Variants in DLAT observed in about 807,000 individuals in gnomAD.
DLAT encodes dihydrolipoamide S-acetyltransferase, also known as dihydrolipoyllysine-residue acetyltransferase component of pyruvate dehydrogenase complex, mitochondrial.
Under a neutral mutation model 68.0 loss-of-function variants are expected in DLAT, and 43 were observed. The observed-to-expected ratio is 0.63, with a 90% CI of 0.50 to 0.81. The LOEUF is 0.81. Ranked by LOEUF, DLAT falls within the 40% of genes least tolerant of loss-of-function variation. The pLI is 0.00. For synonymous variants in DLAT, 265 were observed against 288.6 expected (o/e 0.92, Z 0.83); for missense variants, 745 against 815.4 (o/e 0.91, Z 1.05).
intron 11 of DLAT, among the ~76,000 whole-genome samples, chr11:112,057,632 C>A (rs1864179409): frequency 1.3e-5 from 2 of 152,184 alleles, no homozygotes; most frequent in Non-Finnish European, 2.9e-5. Context: ...CTCTTCAATT[C>A]TTTGAAGGCT....
rs370635606 is a variant in DLAT, at chr11:112,051,836, C to T, written c.1514+487C>T. 6.5e-4 allele frequency among the ~76,000 whole-genome samples: 99 copies of T among 152,272 alleles called. 2 individuals are homozygous for T. Among genetic ancestry groups the T allele is most frequent in the African/African-American group, 2.4e-3 (98 of 41,548 alleles). The stretch of plus-strand genomic sequence containing the variant: ...ATGACTGTCACAAAGCAGGGTTAAA[C>T]AGATGATTTTCATTCTCCTGAACTT... On this transcript the variant is annotated intron_variant, in intron 11 of 13. Coordinates refer to ENST00000280346, the MANE Select transcript of DLAT (RefSeq NM_001931.5). The surrounding 1 kb of genome is among the most constrained non-coding windows in gnomAD (Gnocchi z 4.3).
At chr11:112,060,781 A>T (rs1482779287) in intron 12 of DLAT, among the ~76,000 whole-genome samples, 1 of 152,158 alleles carries the variant, frequency 6.6e-6, no homozygotes, top group Non-Finnish European at 1.5e-5. Context: ...CGTAACTCTT[A>T]TTGACACACC....
At chr11:112,050,929 C>A (rs1343300517) in intron 10 of DLAT, among the ~76,000 whole-genome samples, 1 of 152,184 alleles carries the variant, frequency 6.6e-6, no homozygotes, top group African/African-American at 2.4e-5. Context: ...GGTTTCATTT[C>A]TTTCTTTCCA....
At chr11:112,034,864 C>A (rs1222254199) in intron 5 of DLAT, among the ~76,000 whole-genome samples, 1 of 151,432 alleles carries the variant, frequency 6.6e-6, no homozygotes, top group African/African-American at 2.4e-5. Context: ...GCCTCCGCCT[C>A]CTGGGTTCAA....
rs1222825075 is a variant in DLAT at position 112,063,109 on chromosome 11, T to A, written c.*574T>A. 1.3e-5 allele frequency: 2 copies of A among 154,672 alleles called. No individual in the cohort carries two copies. The highest frequency in any genetic ancestry group is 4.8e-5 in the African/African-American group (2 of 41,470). The allele number at this position is 154,672 out of a possible 1,614,324, so 9.6% of individuals were successfully genotyped here. A position where few individuals can be genotyped will look rare whatever the true frequency, so the allele number is the denominator to read the frequency against. On this transcript the variant is annotated 3_prime_UTR_variant, in exon 14 of 14. Transcript: ENST00000280346. ...AAGTGAAATTTTAAAAGTCAGCATT[T>A]TCTTAGACCTCTTCAGCTGATTGTT... is the stretch of plus-strand genomic sequence containing the variant.
intron 5 of DLAT, among the ~76,000 whole-genome samples, chr11:112,036,245 C>T (rs1555180495): frequency 1.1e-5 from 1 of 92,030 alleles, no homozygotes; most frequent in Non-Finnish European, 2.0e-5. Flanking sequence ...CGGAGTTTCG[C>T]TCTTGTTGCC....
chr11:112,026,276 A>C lies in DLAT; in HGVS notation c.358A>C (p.Asn120His). ...RWEKKEGDKI[N>H]EGDLIAEVET... The stretch of plus-strand genomic sequence containing the variant: ...GGAAAAAAAAGAGGGGGACAAAATC[A>C]ATGAAGGTGACCTAATTGCAGAGGT... The change falls in exon 2 of 14, where the codon AAT (asparagine) becomes CAT (histidine). Residue 120 changes from asparagine to histidine, a missense_variant. Transcript: ENST00000280346. The C allele has an allele frequency of 6.2e-7, 1 of 1,604,528 alleles. No homozygotes were observed. The highest frequency in any genetic ancestry group is 8.5e-7 in the Non-Finnish European group (1 of 1,174,494).
chr11:112,035,491 C>CTTTT (rs1284403047), intron 5 of DLAT, among the ~76,000 whole-genome samples: 2 of 143,754 alleles, frequency 1.4e-5, no homozygotes, highest in Non-Finnish European at 3.1e-5. Flanking sequence ...TTAAACACTT[C>CTTTT]TTTTTTTTTT....
chr11:112,027,486 CCCAGACGG>C (rs1862123508), intron 2 of DLAT, among the ~76,000 whole-genome samples: 1 of 152,070 alleles, frequency 6.6e-6, no homozygotes, highest in South Asian at 2.1e-4. Flanking sequence ...CTCCTCACTT[CCCAGACGG>C]GGTGGCAGCC....
chr11:112,042,348 G>A (rs1863094785), intron 7 of DLAT, among the ~76,000 whole-genome samples: 1 of 152,204 alleles, frequency 6.6e-6, no homozygotes, highest in South Asian at 2.1e-4. Context: ...AGGGACTGTG[G>A]TGTCTAGATC....
chr11:112,064,262 G>A lies in DLAT; in HGVS notation c.*1727G>A. ...AAACAGTTGCCTTCTAATAAACATT[G>A]TTGAGTTAAAAATTAATCTGAGCTA... On this transcript the variant is annotated 3_prime_UTR_variant, in exon 14 of 14. Transcript: ENST00000280346. 2.0e-6 allele frequency: 3 copies of A among 1,492,016 alleles called. No homozygotes were observed. The South Asian group carries it at 3.8e-5, about 19-fold the overall frequency. The allele number at this position is 1,492,016 out of a possible 1,614,324, so 92.4% of individuals were successfully genotyped here. A position where few individuals can be genotyped will look rare whatever the true frequency, so the allele number is the denominator to read the frequency against.
intron 6 of DLAT, 112 bp from the exon 7 acceptor site, chr11:112,039,132 A>T: frequency 9.6e-7 from 1 of 1,041,630 alleles, no homozygotes; most frequent in African/African-American, 1.7e-5. Flanking sequence ...AATGAAAGTT[A>T]TTAATATTTA....
intron 8 of DLAT, among the ~76,000 whole-genome samples, chr11:112,043,747 T>A (rs1863162313): frequency 6.6e-6 from 1 of 152,230 alleles, no homozygotes; most frequent in Admixed American, 6.5e-5. Context: ...GTCTCTTATA[T>A]AAAATAGTGT....
At chr11:112,047,444 G>A (rs1863379943) in intron 10 of DLAT, among the ~76,000 whole-genome samples, 1 of 152,074 alleles carries the variant, frequency 6.6e-6, no homozygotes, top group Non-Finnish European at 1.5e-5. Context: ...AGTTTCTTTT[G>A]CTGTGCAGAA....
chr11:112,053,894 TTAG>T (rs1175431956), intron 11 of DLAT, among the ~76,000 whole-genome samples: 9 of 152,336 alleles, frequency 5.9e-5, no homozygotes, highest in African/African-American at 2.2e-4. Context: ...ACATTAATAT[TTAG>T]CTTTAGCTCC....
chr11:112,034,721 C>G (rs782647497), intron 5 of DLAT, among the ~76,000 whole-genome samples: 1 of 151,806 alleles, frequency 6.6e-6, no homozygotes, highest in South Asian at 2.1e-4. Flanking sequence ...GGATTACAGG[C>G]GTGAGCCATG....
At chr11:112,044,085 T>C (rs1206302135) in intron 8 of DLAT, among the ~76,000 whole-genome samples, 1 of 152,262 alleles carries the variant, frequency 6.6e-6, no homozygotes, top group African/African-American at 2.4e-5. Flanking sequence ...TTCCACATTA[T>C]GTTTTGAGCT....
chr11:112,060,595 C>A (rs1044519625), intron 12 of DLAT, among the ~76,000 whole-genome samples: 1 of 152,082 alleles, frequency 6.6e-6, no homozygotes, highest in Non-Finnish European at 1.5e-5. Context: ...GCTGGTATTA[C>A]AGGCATGCAC....
At chr11:112,059,864 A>T in intron 11 of DLAT, 39 bp from the exon 12 acceptor site, 1 of 1,509,672 alleles carries the variant, frequency 6.6e-7, no homozygotes, top group Non-Finnish European at 8.9e-7. Flanking sequence ...GGCTCTTAAT[A>T]AACAGTTTTT....
Sources: gnomAD v4.1 joint callset for allele counts (sites outside exome capture counted in the v4.1 genomes callset) on GRCh38, gnomAD v4.1.1 for gene constraint, Gnocchi (gnomAD v3.1) non-coding constraint, MANE v1.5 for transcripts, NCBI Gene and HGNC (gene_info 2026-07-23, HGNC 2026-07-21) for gene names.